The following ZNF562 variants were observed in gnomAD, a reference collection of about 807,000 sequenced individuals.
ZNF562 encodes the protein zinc finger protein 562.
A neutral mutation model predicts 17.5 loss-of-function variants in ZNF562; 13 were observed. The ratio of observed to expected loss-of-function variants is 0.74; its 90% CI spans 0.48 to 1.18. The LOEUF is 1.18. Ranked by LOEUF, ZNF562 falls within the 50% of genes most tolerant of loss-of-function variation. The probability of loss-of-function intolerance (pLI) is 0.00; values close to 1 mark genes in which losing one functional copy is unlikely to be tolerated. For synonymous variants in ZNF562, 163 were observed against 165.4 expected (o/e 0.99, Z 0.11); for missense variants, 481 against 498.5 (o/e 0.96, Z 0.33).
chr19:9,658,169 T>G (rs2043590162), intron 3 of ZNF562, 34 bp from the exon 4 acceptor site: 2 of 1,599,152 alleles, frequency 1.3e-6, no homozygotes, highest in African/African-American at 1.3e-5. Flanking sequence ...TTTGAGCCAA[T>G]GAACACTTCC....
chr19:9,663,347 C>G (rs2043828794), intron 1 of ZNF562, among the ~76,000 whole-genome samples: 1 of 149,044 alleles, frequency 6.7e-6, no homozygotes, highest in Admixed American at 6.8e-5. Flanking sequence ...GGAGGTGGAG[C>G]TTGCAGTAAG....
intron 1 of ZNF562, among the ~76,000 whole-genome samples, chr19:9,663,796 C>G (rs1034777069): frequency 5.3e-5 from 8 of 152,030 alleles, no homozygotes; most frequent in Non-Finnish European, 8.8e-5. Context: ...CCTGCCTCAG[C>G]CTCTCAAGTA....
intron 1 of ZNF562, among the ~76,000 whole-genome samples, chr19:9,663,605 GTCTTGC>G (rs1181553523): frequency 6.6e-6 from 1 of 151,894 alleles, no homozygotes; most frequent in Non-Finnish European, 1.5e-5. Flanking sequence ...TTGAGACGGA[GTCTTGC>G]TCTTATCGCC....
intron 1 of ZNF562, among the ~76,000 whole-genome samples, chr19:9,668,522 T>TA (rs1369930047): frequency 2.6e-5 from 4 of 152,108 alleles, no homozygotes; most frequent in Non-Finnish European, 5.9e-5. Flanking sequence ...AGAATATTGT[T>TA]AAAATGACAA....
At chr19:9,656,871 A>AAAAAATATATATATATATATATATAT (rs376933513) in intron 4 of ZNF562, among the ~76,000 whole-genome samples, 2 of 142,436 alleles carry the variant, frequency 1.4e-5, no homozygotes, top group African/African-American at 5.2e-5. Context: ...AAAATACAAA[A>AAAAAATATATATATATATATATATAT]ATATATATAT....
At position 9,648,998 on chromosome 19, in the gene ZNF562, G is replaced by A. The variant is rs994671000; in HGVS notation, c.*3951C>T. ...GAAAAAACTTTTCCTGCAGGACATT[G>A]TTGCAGGAAGTCAGGGACCCCAAAC... On this transcript the variant is annotated 3_prime_UTR_variant, in exon 6 of 6. Transcript: ENST00000453372. 2 of 152,232 alleles carry A rather than the reference G, an allele frequency of 1.3e-5. No individual in the cohort carries two copies. The highest frequency in any genetic ancestry group is 4.8e-5 in the African/African-American group (2 of 41,452). 9.4% of individuals were successfully genotyped at this position (152,232 alleles called of 1,614,324 possible). A position where few individuals can be genotyped will look rare whatever the true frequency, so the allele number is the denominator to read the frequency against.
At chr19:9,663,839 C>T (rs2043849503) in intron 1 of ZNF562, among the ~76,000 whole-genome samples, 2 of 151,728 alleles carry the variant, frequency 1.3e-5, no homozygotes, top group Non-Finnish European at 2.9e-5. Flanking sequence ...GTAGCTGGGA[C>T]TCCCTAGTTC....
rs142585731 is a variant in ZNF562, at chr19:9,655,146, G to A, written c.349-1265C>T. Among the ~76,000 whole-genome samples, 1,317 of 151,806 alleles carry A rather than the reference G, an allele frequency of 8.7e-3. 19 individuals are homozygous for A. The highest frequency in any genetic ancestry group is 0.027 in the African/African-American group (1,128 of 41,394). On this transcript the variant is annotated intron_variant, in intron 5 of 5. Transcript: ENST00000453372. ...GCCTGGATTACAGGTGCATGCCAACGTGCCCGGCTAATTTTTTATTTTTTT... is the reference window on the plus strand; with the variant it reads ...GCCTGGATTACAGGTGCATGCCAACATGCCCGGCTAATTTTTTATTTTTTT...
chr19:9,653,406 A>T lies in ZNF562; in HGVS notation c.824T>A (p.Leu275His). 2 of 1,614,244 alleles carry T rather than the reference A, an allele frequency of 1.2e-6. No homozygotes were observed. The highest frequency in any genetic ancestry group is 1.7e-6 in the Non-Finnish European group (2 of 1,180,046). Reference sequence around the variant, plus strand: ...TTTATGAGTTTTTGCATGTGCAGAAAGTTGAGAAAAATTAGTGAAGGATTT... The same window carrying T: ...TTTATGAGTTTTTGCATGTGCAGAATGTTGAGAAAAATTAGTGAAGGATTT... ...CGKSFTNFSQ[L>H]SAHAKTHKGE... Residue 275 changes from leucine to histidine, a missense_variant, in exon 6 of 6, where the codon CTT (leucine) becomes CAT (histidine). Leu to His is a moderately conservative substitution (Grantham distance 99, BLOSUM62 -3). Transcript: ENST00000453372.
At chr19:9,662,571 AAAAG>A (rs1461415580) in intron 1 of ZNF562, among the ~76,000 whole-genome samples, 1 of 152,082 alleles carries the variant, frequency 6.6e-6, no homozygotes, top group South Asian at 2.1e-4. Context: ...CAAAAAAAAA[AAAAG>A]AGAGAAAGAA....
intron 1 of ZNF562, among the ~76,000 whole-genome samples, chr19:9,672,286 T>C (rs1040343300): frequency 1.3e-5 from 2 of 152,204 alleles, no homozygotes; most frequent in Admixed American, 6.5e-5. Context: ...TTAGATGACA[T>C]TATTATTTTT....
Position 9,650,438 on chromosome 19 carries a change from C to A in ZNF562, c.*2511G>T, listed in dbSNP as rs895505655. The A allele has an allele frequency of 6.6e-6, 1 of 150,674 alleles. No individual in the cohort carries two copies. Among genetic ancestry groups the A allele is most frequent in the Non-Finnish European group, 1.5e-5 (1 of 67,836 alleles). 9.3% of individuals were successfully genotyped at this position (150,674 alleles called of 1,614,324 possible). A position where few individuals can be genotyped will look rare whatever the true frequency, so the allele number is the denominator to read the frequency against. The stretch of plus-strand genomic sequence containing the variant: ...CACACACACACACACACAGTGACCC[C>A]CCAAATTTCATATGAAGTTCCAAAC... On this transcript the variant is annotated 3_prime_UTR_variant, in exon 6 of 6. Transcript: ENST00000453372.
intron 1 of ZNF562, among the ~76,000 whole-genome samples, chr19:9,661,138 T>A (rs978119635): frequency 6.6e-6 from 1 of 152,144 alleles, no homozygotes; most frequent in Non-Finnish European, 1.5e-5. Flanking sequence ...CCTATATGTA[T>A]CTATGTATCT....
intron 5 of ZNF562, 36 bp downstream of exon 5, chr19:9,656,511 C>G: frequency 6.2e-7 from 1 of 1,607,176 alleles, no homozygotes; most frequent in Non-Finnish European, 8.5e-7. Context: ...TCTCAAAAAA[C>G]AGAAGAAAAA....
At chr19:9,657,182 G>T (rs1335942239) in intron 4 of ZNF562, among the ~76,000 whole-genome samples, 1 of 151,836 alleles carries the variant, frequency 6.6e-6, no homozygotes, top group Non-Finnish European at 1.5e-5. Flanking sequence ...AATTACAACT[G>T]ATGGGGAACA....
intron 4 of ZNF562, 99 bp from the exon 5 acceptor site, chr19:9,656,752 C>G: frequency 8.1e-7 from 1 of 1,236,116 alleles, no homozygotes; most frequent in Non-Finnish European, 1.2e-6. Context: ...AGGCCAGGCA[C>G]GGTGACTCAG....
rs1418911479 is a variant in ZNF562 at position 9,642,466 on chromosome 19, G to A, written c.*10483C>T. ...TTTTAAAAATATATTTTGTAGAGAA[G>A]AGATCTCTCTATGTTGCCTAGGCTG... On this transcript the variant is annotated 3_prime_UTR_variant, in exon 6 of 6. Transcript: ENST00000453372. The A allele has an allele frequency of 6.6e-6, 1 of 151,876 alleles. No individual in the cohort carries two copies. Among genetic ancestry groups the A allele is most frequent in the Non-Finnish European group, 1.5e-5 (1 of 67,984 alleles). The allele number at this position is 151,876 out of a possible 1,614,324, so 9.4% of individuals were successfully genotyped here.
chr19:9,646,516 G>A lies in ZNF562; in HGVS notation c.*6433C>T, dbSNP rs1015449094. 1.4e-4 allele frequency: 22 copies of A among 152,070 alleles called. No homozygotes were observed. Among genetic ancestry groups the A allele is most frequent in the African/African-American group, 5.3e-4 (22 of 41,394 alleles). The allele number at this position is 152,070 out of a possible 1,614,324, so 9.4% of individuals were successfully genotyped here. A position where few individuals can be genotyped will look rare whatever the true frequency, so the allele number is the denominator to read the frequency against. On this transcript the variant is annotated 3_prime_UTR_variant, in exon 6 of 6. Coordinates refer to ENST00000453372, the MANE Select transcript of ZNF562 (RefSeq NM_001130031.2). ...ACAGAATTAGTGGAACAGAAAACAT[G>A]CAAGAAATAGTGTAGATTTTTCAAG...
At chr19:9,669,047 G>A (rs2044051611) in intron 1 of ZNF562, among the ~76,000 whole-genome samples, 1 of 152,132 alleles carries the variant, frequency 6.6e-6, no homozygotes, top group African/African-American at 2.4e-5. Context: ...CCAGGGCATT[G>A]GTCTGGGTAA....
Sources: allele counts gnomAD v4.1 joint callset (sites outside exome capture counted in the v4.1 genomes callset), GRCh38; gene constraint gnomAD v4.1.1; transcripts MANE v1.5; gene names NCBI Gene and HGNC (gene_info 2026-07-23, HGNC 2026-07-21).